Variants in DEPDC1 observed in about 807,000 individuals in gnomAD.
DEPDC1 encodes DEP domain-containing protein 1A.
DEPDC1 carries 66 observed loss-of-function variants against 86.8 expected under a neutral mutation model. That is an observed-to-expected ratio of 0.76 (90% confidence interval 0.62 to 0.93). The LOEUF is 0.93. DEPDC1 is among the 40% of genes least tolerant of loss of function. The pLI, the probability that DEPDC1 is intolerant of heterozygous loss-of-function variation, is 0.00. For synonymous variants in DEPDC1, 255 were observed against 314.9 expected, an observed-to-expected ratio of 0.81 and a Z score of 2.02; for missense variants, 792 against 935.7, an observed-to-expected ratio of 0.85 and a Z score of 2.00.
chr1:68,491,009 C>T (rs1646225691), intron 2 of DEPDC1, among the ~76,000 whole-genome samples: 1 of 152,130 alleles, frequency 6.6e-6, no homozygotes, highest in South Asian at 2.1e-4. Flanking sequence ...GGGACACCTT[C>T]TTACACCATA....
intron 2 of DEPDC1, among the ~76,000 whole-genome samples, chr1:68,492,408 C>T (rs10749783): frequency 0.12 from 17,619 of 151,996 alleles, 1,273 homozygotes; most frequent in Non-Finnish European, 0.15. Flanking sequence ...TTGTTACGAT[C>T]GTAAAAGACT....
At chr1:68,495,280 T>C (rs997662238) in intron 1 of DEPDC1, among the ~76,000 whole-genome samples, 7 of 152,230 alleles carry the variant, frequency 4.6e-5, no homozygotes, top group Admixed American at 2.6e-4. Context: ...CCTGAGCTTA[T>C]TTAAGAAATC....
chr1:68,480,189 T>C (rs530460270), intron 9 of DEPDC1, among the ~76,000 whole-genome samples: 18 of 151,600 alleles, frequency 1.2e-4, no homozygotes, highest in Non-Finnish European at 2.5e-4. Context: ...TGGGATAAAA[T>C]TGATTACTCT....
chr1:68,487,234 A>G (rs1030328232), intron 5 of DEPDC1, among the ~76,000 whole-genome samples: 1 of 152,044 alleles, frequency 6.6e-6, no homozygotes, highest in African/African-American at 2.4e-5. Context: ...TATTACACAT[A>G]ACAATTAAAT....
At chr1:68,480,940 C>A (rs1162765354) in intron 9 of DEPDC1, among the ~76,000 whole-genome samples, 3 of 152,082 alleles carry the variant, frequency 2.0e-5, no homozygotes, top group African/African-American at 7.2e-5. Flanking sequence ...ATGCCCTTAT[C>A]CTCATTTTCA....
chr1:68,478,160 C>T (rs1053023742), intron 10 of DEPDC1, among the ~76,000 whole-genome samples, 188 bp from the exon 11 acceptor site: 5 of 151,906 alleles, frequency 3.3e-5, no homozygotes, highest in Non-Finnish European at 7.4e-5. Flanking sequence ...CCATAATCTA[C>T]TTGGTTTGTA....
chr1:68,494,863 C>G (rs1384378981), intron 1 of DEPDC1, among the ~76,000 whole-genome samples, 168 bp from the exon 2 acceptor site: 1 of 152,080 alleles, frequency 6.6e-6, no homozygotes, highest in African/African-American at 2.4e-5. Context: ...TTATATCTGG[C>G]CGGGCACGGT....
At position 68,481,476 on chromosome 1, in the gene DEPDC1, C is replaced by T; in HGVS notation, c.1899G>A (p.Met633Ile). 6.2e-7 allele frequency: 1 copy of T among 1,612,406 alleles called. No individual in the cohort carries two copies. The highest frequency in any genetic ancestry group is 1.7e-5 in the Admixed American group (1 of 59,796). ...TACCCATTGCATCATGAAGTTTGGG[C>T]ATATCAACATTTTGACTCATTCGGG... ...MISRMSQNVD[M>I]PKLHDAMGTR... Residue 633 changes from methionine (M) to isoleucine (I), a missense_variant, in exon 9 of 12, where the codon ATG (methionine) becomes ATA (isoleucine). Transcript: ENST00000456315.
intron 6 of DEPDC1, among the ~76,000 whole-genome samples, chr1:68,484,920 T>C: frequency 6.8e-6 from 1 of 147,790 alleles, no homozygotes; most frequent in East Asian, 1.9e-4. Flanking sequence ...ATCTTCACTA[T>C]AGTAATCTTC....
intron 5 of DEPDC1, among the ~76,000 whole-genome samples, chr1:68,488,155 A>G (rs1646205113): frequency 6.6e-6 from 1 of 151,806 alleles, no homozygotes; most frequent in South Asian, 2.1e-4. Flanking sequence ...TTTAAATACC[A>G]TGCATGAATT....
At chr1:68,478,902 T>G (rs1571193430) in intron 10 of DEPDC1, among the ~76,000 whole-genome samples, 2 of 151,992 alleles carry the variant, frequency 1.3e-5, no homozygotes, top group African/African-American at 4.8e-5. Context: ...GAACTTCAAC[T>G]AGCCACATTC....
intron 3 of DEPDC1, 51 bp downstream of exon 3, chr1:68,489,401 G>T: frequency 8.1e-7 from 1 of 1,229,122 alleles, no homozygotes; most frequent in Non-Finnish European, 1.1e-6. Flanking sequence ...TTCTATCATT[G>T]AGTACATCAT....
chr1:68,494,169 G>A (rs988506486), intron 2 of DEPDC1, among the ~76,000 whole-genome samples: 1 of 152,156 alleles, frequency 6.6e-6, no homozygotes, highest in Non-Finnish European at 1.5e-5. Flanking sequence ...TTCAGAATAT[G>A]CGGAAGTGAT....
chr1:68,479,408 A>G (rs867322470), intron 9 of DEPDC1, 88 bp from the exon 10 acceptor site: 4 of 1,039,370 alleles, frequency 3.8e-6, no homozygotes, highest in Middle Eastern at 4.3e-4. Flanking sequence ...CATTATGTGA[A>G]GTATTGGGAA....
Position 68,497,053 on chromosome 1 carries a change from A to G in DEPDC1, c.-54T>C. ...GGCGGCGAAGGCGACACTCAGGCCC[A>G]GCGGCCGCGGCAGTGGCGAGTCTCG... On this transcript the variant is annotated 5_prime_UTR_variant, in exon 1 of 12. Coordinates refer to ENST00000456315, the MANE Select transcript of DEPDC1 (RefSeq NM_001114120.3). 6.3e-7 allele frequency: 1 copy of G among 1,596,898 alleles called. No homozygotes were observed.
chr1:68,492,972 A>G (rs1646239590), intron 2 of DEPDC1, among the ~76,000 whole-genome samples: 1 of 152,190 alleles, frequency 6.6e-6, no homozygotes, highest in South Asian at 2.1e-4. Flanking sequence ...CAGGAGGCAG[A>G]TGAAAAAACA....
chr1:68,477,075 A>T lies in DEPDC1; in HGVS notation c.2299-6T>A, dbSNP rs893194643. 2 of 1,589,038 alleles carry T rather than the reference A, an allele frequency of 1.3e-6. No homozygotes were observed. Among genetic ancestry groups the T allele is most frequent in the Non-Finnish European group, 1.7e-6 (2 of 1,166,910 alleles). On this transcript the variant is annotated splice_region_variant and splice_polypyrimidine_tract_variant and intron_variant, in intron 11 of 11. Coordinates refer to ENST00000456315, the MANE Select transcript of DEPDC1 (RefSeq NM_001114120.3). ...AAAGGATATTCCTTCTGAAACTTAAAAATGAGGTGAGAAATTAGAAGGTAT... is the reference window on the plus strand; with the variant it reads ...AAAGGATATTCCTTCTGAAACTTAATAATGAGGTGAGAAATTAGAAGGTAT...
rs190519030 is a variant in DEPDC1 at position 68,481,993 on chromosome 1, A to G, written c.1762+53T>C. 2.8e-5 allele frequency: 42 copies of G among 1,486,618 alleles called. No homozygotes were observed. The East Asian group carries it at 9.0e-4, about 32-fold the overall frequency. The allele number at this position is 1,486,618 out of a possible 1,614,324, so 92.1% of individuals were successfully genotyped here. ...GAAAAGCCAGGTAAGCAAAACACAG[A>G]GTTAGTAAACACTCAAAGTTAATAT... On this transcript the variant is annotated intron_variant, in intron 8 of 11. Coordinates refer to ENST00000456315, the MANE Select transcript of DEPDC1 (RefSeq NM_001114120.3).
Position 68,482,312 on chromosome 1 carries a change from T to C in DEPDC1, c.1496A>G (p.Asn499Ser), listed in dbSNP as rs1359562345. 1 of 1,612,782 alleles carries C rather than the reference T, an allele frequency of 6.2e-7. No homozygotes were observed. Among genetic ancestry groups the C allele is most frequent in the Non-Finnish European group, 8.5e-7 (1 of 1,179,292 alleles). The change falls in exon 8 of 12, where the codon AAT becomes AGT. Residue 499 changes from asparagine to serine, a missense_variant. Coordinates refer to ENST00000456315, the MANE Select transcript of DEPDC1 (RefSeq NM_001114120.3). ...LTVQDQEELC[N>S]GKCKSKQLCR... ...AAGCTGTTTTGACTTGCATTTCCCA[T>C]TACACAACTCCTCTTGGTCTTGAAC...
Sources: allele counts gnomAD v4.1 joint callset (sites outside exome capture counted in the v4.1 genomes callset), GRCh38; gene constraint gnomAD v4.1.1; transcripts MANE v1.5; gene names NCBI Gene and HGNC (gene_info 2026-07-23, HGNC 2026-07-21).